ADGRV1: variants seen among roughly 807,000 people sequenced by gnomAD.
The protein encoded by ADGRV1 is adhesion G protein-coupled receptor V1.
In ADGRV1, 359 loss-of-function variants were observed where a neutral mutation model predicts 596.2. That is an observed-to-expected ratio of 0.60 (90% CI 0.55 to 0.66). ADGRV1 has a LOEUF of 0.66. Among genes scored for constraint, ADGRV1 ranks in the 30% least tolerant of loss-of-function variants. ADGRV1 has a pLI of 0.00. For missense variants in ADGRV1, 7,274 were observed against 7,575.6 expected, an observed-to-expected ratio of 0.96 and a Z score of 1.48; for synonymous variants, 2,681 against 2,679.2, an observed-to-expected ratio of 1.00 and a Z score of -0.02.
chr5:90,944,532 A>G (rs1359233869), intron 83 of ADGRV1, among the ~76,000 whole-genome samples: 1 of 152,204 alleles, frequency 6.6e-6, no homozygotes, highest in Non-Finnish European at 1.5e-5. Context: ...ATTCTGTGTT[A>G]TGTAGTAAAT....
rs1769681688 is a variant in ADGRV1 at position 90,658,095 on chromosome 5, A to C, written c.4569A>C (p.Lys1523Asn). ...AGTTCAGACAGGGAGAAACTAACAAATCATTCATTATTTCTGCAAGAGATG... is the reference window on the plus strand; with the variant it reads ...AGTTCAGACAGGGAGAAACTAACAACTCATTCATTATTTCTGCAAGAGATG... Reference protein sequence around the residue: ...YLEFRQGETNKSFIISARDDN... With the variant: ...YLEFRQGETNNSFIISARDDN... The change falls in exon 21 of 90, where the codon AAA (lysine) becomes AAC (asparagine). Residue 1523 changes from lysine (K) to asparagine (N), a missense_variant. Physicochemically the swap from Lys to Asn is moderately conservative, Grantham distance 94 (BLOSUM62 0). This residue lies in a region of ADGRV1 where 3,643 missense variants were observed against 3,809.2 expected (regional missense o/e 0.96). Transcript: ENST00000405460. 6.2e-7 allele frequency: 1 copy of C among 1,613,772 alleles called. No individual in the cohort carries two copies. The highest frequency in any genetic ancestry group is 1.7e-5 in the Admixed American group (1 of 59,988).
At chr5:90,982,073 G>A (rs183587592) in intron 84 of ADGRV1, among the ~76,000 whole-genome samples, 130 of 152,296 alleles carry the variant, frequency 8.5e-4, no homozygotes, top group African/African-American at 3.1e-3. Flanking sequence ...GGGTGACAGA[G>A]CAAGACCTTG....
At position 90,753,791 on chromosome 5, in the gene ADGRV1, G is replaced by A. The variant is rs375613551; in HGVS notation, c.11339G>A (p.Arg3780His). ...NDSPFGLVGW[R>H]AASVFIRVAE... is the part of the protein sequence containing the mutation. ...TCACCTTTTGGCTTGGTGGGCTGGC[G>A]TGCTGCGTCTGTCTTCATTAGAGTA... Residue 3780 changes from arginine to histidine, a missense_variant, in exon 54 of 90, where the codon CGT becomes CAT. By Grantham distance (29) the Arg-to-His change is conservative. Around this residue, in one of 5 missense-constraint regions of ADGRV1, gnomAD observed 3,643 missense variants for 3,809.2 expected, o/e 0.96. Transcript: ENST00000405460. The A allele has an allele frequency of 2.7e-5, 44 of 1,611,404 alleles. No homozygotes were observed. The highest frequency in any genetic ancestry group is 2.0e-4 in the Admixed American group (12 of 59,558).
At chr5:91,054,262 C>A (rs1306397139) in intron 85 of ADGRV1, among the ~76,000 whole-genome samples, 2 of 152,102 alleles carry the variant, frequency 1.3e-5, no homozygotes, top group Non-Finnish European at 2.9e-5. Context: ...CCTCATTTCT[C>A]TCATTTTTAA....
At chr5:90,992,695 T>C (rs1781071560) in intron 85 of ADGRV1, among the ~76,000 whole-genome samples, 1 of 152,244 alleles carries the variant, frequency 6.6e-6, no homozygotes, top group Non-Finnish European at 1.5e-5. Context: ...GCTGGGTTCA[T>C]TGCAAGCAAG....
chr5:90,637,607 T>C (rs1766383698), intron 10 of ADGRV1, 118 bp from the exon 11 acceptor site: 2 of 599,032 alleles, frequency 3.3e-6, no homozygotes, highest in South Asian at 3.9e-5. Context: ...CGCTTCTCTA[T>C]ATAGAATACA....
At chr5:91,042,128 C>G (rs985123649) in intron 85 of ADGRV1, among the ~76,000 whole-genome samples, 2 of 152,212 alleles carry the variant, frequency 1.3e-5, no homozygotes, top group South Asian at 4.1e-4. Context: ...TGATTCAGTT[C>G]AAAAATCTCC....
rs1561851286 is a variant in ADGRV1, at chr5:90,853,528, A to T, written c.17449A>T (p.Asn5817Tyr). The change falls in exon 80 of 90, where the codon AAT becomes TAT. Residue 5817 changes from asparagine (N) to tyrosine (Y), a missense_variant. By Grantham distance (143) the Asn-to-Tyr change is moderately radical (BLOSUM62 -2). This residue lies in a region of ADGRV1 where 1,874 missense variants were observed against 1,970.2 expected (regional missense o/e 0.95). Coordinates refer to ENST00000405460, the MANE Select transcript of ADGRV1 (RefSeq NM_032119.4). The part of the protein sequence containing the change: ...ISGNNLPTLK[N>Y]KVLSLSVKGQ... ...TGGAAACAATCTTCCTACCCTAAAAAATAAGGTAATCTTTCATTCAAAACA... is the reference window on the plus strand; with the variant it reads ...TGGAAACAATCTTCCTACCCTAAAATATAAGGTAATCTTTCATTCAAAACA... 6.2e-7 allele frequency: 1 copy of T among 1,608,996 alleles called. No individual in the cohort carries two copies. The highest frequency in any genetic ancestry group is 8.5e-7 in the Non-Finnish European group (1 of 1,176,710).
intron 1 of ADGRV1, among the ~76,000 whole-genome samples, chr5:90,598,036 T>C (rs1049415821): frequency 6.6e-6 from 1 of 152,228 alleles, no homozygotes; most frequent in Admixed American, 6.5e-5. Flanking sequence ...TGTATGAAGA[T>C]ATACTATTCA....
At chr5:90,603,560 T>A (rs905424984) in intron 1 of ADGRV1, among the ~76,000 whole-genome samples, 4 of 152,126 alleles carry the variant, frequency 2.6e-5, no homozygotes, top group African/African-American at 9.7e-5. Context: ...CTGTAGCTTT[T>A]CATTTTGCTT....
chr5:91,061,118 G>A (rs1326262135), intron 85 of ADGRV1, among the ~76,000 whole-genome samples: 1 of 152,064 alleles, frequency 6.6e-6, no homozygotes, highest in Non-Finnish European at 1.5e-5. Context: ...CCCTCTTTTT[G>A]GAGCAAGAGG....
chr5:90,651,776 A>G (rs201742218), intron 18 of ADGRV1, 46 bp downstream of exon 18: 1 of 1,212,816 alleles, frequency 8.2e-7, no homozygotes, highest in African/African-American at 1.5e-5. Context: ...GTGAAATAAA[A>G]CCATTAAGTA....
At chr5:91,156,587 T>TA (rs1796499672) in intron 89 of ADGRV1, among the ~76,000 whole-genome samples, 1 of 152,210 alleles carries the variant, frequency 6.6e-6, no homozygotes, top group Non-Finnish European at 1.5e-5. Context: ...TATATTACAT[T>TA]ACATCTTATA....
chr5:90,821,622 T>A (rs1763516843), intron 75 of ADGRV1, among the ~76,000 whole-genome samples: 1 of 151,018 alleles, frequency 6.6e-6, no homozygotes, highest in South Asian at 2.1e-4. Context: ...GTTTGTTAGT[T>A]TTCCTTCTAA....
intron 34 of ADGRV1, among the ~76,000 whole-genome samples, chr5:90,700,844 G>A (rs1747820514): frequency 6.6e-6 from 1 of 152,048 alleles, no homozygotes; most frequent in Admixed American, 6.6e-5. Flanking sequence ...AATTTGGATA[G>A]TATATGTATG....
Position 90,737,042 on chromosome 5 carries a change from T to G in ADGRV1, c.10549+7278T>G, listed in dbSNP as rs974647376. ...TTTCTATTTCCTTTAGTTGTAATAT[T>G]AGACCATTTATTTGAGATTTTATTT... is the stretch of plus-strand genomic sequence containing the variant. On this transcript the variant is annotated intron_variant, in intron 50 of 89. Coordinates refer to ENST00000405460, the MANE Select transcript of ADGRV1 (RefSeq NM_032119.4). 3.3e-5 allele frequency among the ~76,000 whole-genome samples: 5 copies of G among 152,014 alleles called. No homozygotes were observed. The East Asian group carries it at 9.6e-4, about 29-fold the overall frequency.
At chr5:90,813,252 G>A (rs1268932129) in intron 74 of ADGRV1, among the ~76,000 whole-genome samples, 1 of 141,966 alleles carries the variant, frequency 7.0e-6, no homozygotes, top group African/African-American at 2.5e-5. Flanking sequence ...AGGGCTGATA[G>A]TAAAAATACT....
intron 29 of ADGRV1, among the ~76,000 whole-genome samples, chr5:90,687,759 A>G (rs917096320): frequency 6.6e-6 from 1 of 152,162 alleles, no homozygotes; most frequent in African/African-American, 2.4e-5. Flanking sequence ...CCAATAACAG[A>G]CAAACAGAGA....
intron 77 of ADGRV1, among the ~76,000 whole-genome samples, chr5:90,839,740 T>G (rs1386319578): frequency 6.6e-6 from 1 of 152,232 alleles, no homozygotes; most frequent in Admixed American, 6.5e-5. Context: ...AATGCTACCC[T>G]TTCCATCACC....
Sources: allele counts gnomAD v4.1 joint callset (sites outside exome capture counted in the v4.1 genomes callset), GRCh38; gene constraint gnomAD v4.1.1; regional missense constraint gnomAD v4.1.1; transcripts MANE v1.5; gene names NCBI Gene and HGNC (gene_info 2026-07-23, HGNC 2026-07-21).